The following MEAF6 variants were observed in gnomAD, a reference collection of about 807,000 sequenced individuals.
MEAF6 encodes chromatin modification-related protein MEAF6.
MEAF6 carries 15 observed loss-of-function variants against 28.9 expected under a neutral mutation model. The observed-to-expected ratio is 0.52, with a 90% CI of 0.35 to 0.80. The LOEUF (loss-of-function observed/expected upper bound fraction) is 0.80. Among genes scored for constraint, MEAF6 ranks in the 30% least tolerant of loss-of-function variants. The probability of loss-of-function intolerance (pLI) is 0.01; values close to 1 mark genes in which losing one functional copy is unlikely to be tolerated. For synonymous variants in MEAF6, 97 were observed against 88.7 expected, an observed-to-expected ratio of 1.09 and a Z score of -0.53; for missense variants, 178 against 237.5, an observed-to-expected ratio of 0.75 and a Z score of 1.65.
intron 4 of MEAF6, among the ~76,000 whole-genome samples, chr1:37,507,147 C>T (rs560828988): frequency 6.6e-6 from 1 of 152,204 alleles, no homozygotes; most frequent in East Asian, 1.9e-4. Context: ...TTGTGAGACC[C>T]CATCTCTGCC....
intron 4 of MEAF6, among the ~76,000 whole-genome samples, chr1:37,505,066 T>G (rs1236752006): frequency 6.6e-6 from 1 of 152,032 alleles, no homozygotes; most frequent in Non-Finnish European, 1.5e-5. Flanking sequence ...GTATTTTTAG[T>G]AAAGACGGGG....
intron 4 of MEAF6, among the ~76,000 whole-genome samples, chr1:37,507,840 G>C (rs1050455604): frequency 1.4e-5 from 2 of 145,812 alleles, no homozygotes; most frequent in Admixed American, 1.4e-4. Context: ...AAAAAAAAAA[G>C]ACGAAATGCA....
In MEAF6 at chr1:37,513,928, C is replaced by G. The variant is rs193070725; in HGVS notation, c.91-390G>C. On this transcript the variant is annotated intron_variant, in intron 1 of 6. Coordinates refer to ENST00000296214, the MANE Select transcript of MEAF6 (RefSeq NM_001270875.3). Reference sequence around the variant, plus strand: ...GCAGCCTTTCAGCGTCAACTCGCTCCCCTCCCCGCAGGCTCAAGAGAGGCC... The same window carrying G: ...GCAGCCTTTCAGCGTCAACTCGCTCGCCTCCCCGCAGGCTCAAGAGAGGCC... The G allele has an allele frequency of 1.8e-3, 440 of 241,984 alleles. 4 individuals carry two copies. Among genetic ancestry groups the G allele is most frequent in the African/African-American group, 9.5e-3 (428 of 45,136 alleles). 15.0% of individuals were successfully genotyped at this position (241,984 alleles called of 1,614,324 possible).
intron 4 of MEAF6, among the ~76,000 whole-genome samples, chr1:37,508,497 T>C (rs1024819395): frequency 1.3e-5 from 2 of 151,922 alleles, no homozygotes; most frequent in African/African-American, 4.8e-5. Context: ...TAGGCTGGTC[T>C]TGAACTTGAA....
chr1:37,514,651 C>T lies in MEAF6; in HGVS notation c.90+6G>A. ...ATGCCGTGCAACCCCTGTCCTAGCC[C>T]CTCACCGCCAGCTCCTGCTTCCGCT... is the stretch of plus-strand genomic sequence containing the variant. On this transcript the variant is annotated splice_donor_region_variant and intron_variant, in intron 1 of 6. Transcript: ENST00000296214. 6 of 1,532,330 alleles carry T rather than the reference C, an allele frequency of 3.9e-6. No homozygotes were observed. In the South Asian group the frequency reaches 6.0e-5, roughly 15 times the overall value. The allele number at this position is 1,532,330 out of a possible 1,614,324, so 94.9% of individuals were successfully genotyped here. A position where few individuals can be genotyped will look rare whatever the true frequency, so the allele number is the denominator to read the frequency against.
intron 4 of MEAF6, 65 bp from the exon 5 acceptor site, chr1:37,502,061 A>C (rs1642323986): frequency 7.3e-7 from 1 of 1,370,382 alleles, no homozygotes; most frequent in Non-Finnish European, 1.0e-6. Flanking sequence ...TCTGTCCATC[A>C]ACATGAACAC....
chr1:37,499,902 T>C (rs1385237841), intron 5 of MEAF6, among the ~76,000 whole-genome samples: 1 of 152,178 alleles, frequency 6.6e-6, no homozygotes, highest in Non-Finnish European at 1.5e-5. Context: ...CTACCTGAAA[T>C]AAACAGCTAT....
chr1:37,501,289 T>C (rs1557606896), intron 5 of MEAF6: 1 of 152,184 alleles, frequency 6.6e-6, no homozygotes, highest in Non-Finnish European at 1.5e-5. Context: ...GTCAGCATAT[T>C]GCTGAGAAAT....
intron 6 of MEAF6, among the ~76,000 whole-genome samples, chr1:37,495,607 G>A (rs1260301993): frequency 7.0e-6 from 1 of 143,142 alleles, no homozygotes; most frequent in African/African-American, 2.5e-5. Context: ...CCAAGCACAG[G>A]AGGTCAAGGC....
At chr1:37,510,014 TG>T (rs1246460985) in intron 2 of MEAF6, among the ~76,000 whole-genome samples, 4 of 151,646 alleles carry the variant, frequency 2.6e-5, no homozygotes, top group African/African-American at 9.7e-5. Context: ...TGACCTCAGG[TG>T]ATCTACCCAC....
intron 6 of MEAF6, among the ~76,000 whole-genome samples, chr1:37,494,424 A>C (rs1642044147): frequency 6.7e-6 from 1 of 149,600 alleles, no homozygotes; most frequent in African/African-American, 2.5e-5. Flanking sequence ...CTGAGGTGGG[A>C]GAATCGCTTG....
chr1:37,509,716 C>T (rs924609750), intron 2 of MEAF6, among the ~76,000 whole-genome samples, 174 bp from the exon 3 acceptor site: 3 of 152,192 alleles, frequency 2.0e-5, no homozygotes, highest in African/African-American at 7.2e-5. Context: ...ACATGTCCCA[C>T]TGTGAGACAT....
chr1:37,514,748 T>C lies in MEAF6; in HGVS notation c.-2A>G, dbSNP rs1642786973. ...CGCCGCCTTGTTGTGCATCGCCATG[T>C]TGGGCTGAGGCGGGCGGCGGCGGCG... On this transcript the variant is annotated 5_prime_UTR_variant, in exon 1 of 7. Coordinates refer to ENST00000296214, the MANE Select transcript of MEAF6 (RefSeq NM_001270875.3). 1.3e-6 allele frequency: 2 copies of C among 1,493,998 alleles called. No individual in the cohort carries two copies. The highest frequency in any genetic ancestry group is 8.9e-7 in the Non-Finnish European group (1 of 1,124,594). 92.5% of individuals were successfully genotyped at this position (1,493,998 alleles called of 1,614,324 possible).
At chr1:37,496,988 G>A (rs1418689959) in intron 5 of MEAF6, among the ~76,000 whole-genome samples, 1 of 152,144 alleles carries the variant, frequency 6.6e-6, no homozygotes, top group African/African-American at 2.4e-5. Flanking sequence ...GACACCTGGA[G>A]CCCTTTTATT....
At chr1:37,507,099 C>T (rs548837436) in intron 4 of MEAF6, among the ~76,000 whole-genome samples, 1 of 152,222 alleles carries the variant, frequency 6.6e-6, no homozygotes, top group Non-Finnish European at 1.5e-5. Context: ...GCAGATGGAT[C>T]ACCTGAGGTC....
intron 4 of MEAF6, among the ~76,000 whole-genome samples, chr1:37,503,153 T>C (rs1337295424): frequency 6.6e-6 from 1 of 151,860 alleles, no homozygotes; most frequent in Non-Finnish European, 1.5e-5. Context: ...CCCAGGCTGG[T>C]CTCAAACTCC....
intron 4 of MEAF6, among the ~76,000 whole-genome samples, chr1:37,504,294 T>C (rs1487673399): frequency 6.6e-6 from 1 of 152,174 alleles, no homozygotes; most frequent in African/African-American, 2.4e-5. Flanking sequence ...ATCTTTCCTT[T>C]ATAAATTACC....
chr1:37,514,721 G>A lies in MEAF6; in HGVS notation c.26C>T (p.Pro9Leu), dbSNP rs1240359937. The part of the protein sequence containing the change: MAMHNKAA[P>L]PQIPDTRREL... ...CCGCCGGGTGTCCGGGATCTGCGGCGGCGCCGCCTTGTTGTGCATCGCCAT... is the reference window on the plus strand; with the variant it reads ...CCGCCGGGTGTCCGGGATCTGCGGCAGCGCCGCCTTGTTGTGCATCGCCAT... Residue 9 changes from proline to leucine, a missense_variant, in exon 1 of 7, where the codon CCG (proline) becomes CTG (leucine). Coordinates refer to ENST00000296214, the MANE Select transcript of MEAF6 (RefSeq NM_001270875.3). The A allele has an allele frequency of 1.3e-6, 2 of 1,535,222 alleles. No homozygotes were observed. The highest frequency in any genetic ancestry group is 1.9e-5 in the Admixed American group (1 of 53,096).
intron 4 of MEAF6, among the ~76,000 whole-genome samples, chr1:37,504,758 G>C (rs1303888382): frequency 5.9e-5 from 7 of 117,876 alleles, no homozygotes; most frequent in Non-Finnish European, 1.2e-4. Context: ...GGCAACAAGA[G>C]CAAGACTCCA....
Sources: allele counts gnomAD v4.1 joint callset (sites outside exome capture counted in the v4.1 genomes callset), GRCh38; gene constraint gnomAD v4.1.1; transcripts MANE v1.5; gene names NCBI Gene and HGNC (gene_info 2026-07-23, HGNC 2026-07-21).